The following OR4N2 variants were observed in gnomAD, a reference collection of about 807,000 sequenced individuals.
The protein encoded by OR4N2 is olfactory receptor family 4 subfamily N member 2.
For missense variants in OR4N2, 307 were observed against 377.6 expected (o/e 0.81, Z 1.55); for synonymous variants, 141 against 140.4 (o/e 1.00, Z -0.03).
chr14:19,825,125 A>G (rs954630232), intron 1 of OR4N2, among the ~76,000 whole-genome samples: 6 of 152,234 alleles, frequency 3.9e-5, no homozygotes, highest in Non-Finnish European at 8.8e-5. Flanking sequence ...TTCCTATTAC[A>G]ATTTTGTGTG....
chr14:19,828,325 G>C lies in OR4N2; in HGVS notation c.877G>C (p.Glu293Gln), dbSNP rs771978724. 6.2e-6 allele frequency: 10 copies of C among 1,613,278 alleles called. 1 individual carries two copies. In the South Asian group the frequency reaches 9.9e-5, roughly 16 times the overall value. The change falls in exon 2 of 2, where the codon GAA (glutamate) becomes CAA (glutamine). Residue 293 changes from glutamate to glutamine, a missense_variant. Physicochemically the swap from Glu to Gln is conservative, Grantham distance 29. Transcript: ENST00000557677. ...TGTCATTTATACCCTTCGCAACCAGGAAGTGAAAGCTTCCATGAAAAAGGT... is the reference window on the plus strand; with the variant it reads ...TGTCATTTATACCCTTCGCAACCAGCAAGTGAAAGCTTCCATGAAAAAGGT... ...NPVIYTLRNQ[E>Q]VKASMKKVFN...
At chr14:19,826,177 A>C (rs773707969) in intron 1 of OR4N2, among the ~76,000 whole-genome samples, 4 of 152,252 alleles carry the variant, frequency 2.6e-5, no homozygotes, top group Non-Finnish European at 5.9e-5. Flanking sequence ...ACTTCAGTGG[A>C]TTATCATGTG....
intron 1 of OR4N2, among the ~76,000 whole-genome samples, chr14:19,822,977 A>G (rs1306125163): frequency 2.0e-5 from 3 of 151,684 alleles, no homozygotes; most frequent in African/African-American, 4.9e-5. Context: ...TACATTGCCT[A>G]AAAAACTGGC....
At chr14:19,822,837 A>C (rs1879600024) in intron 1 of OR4N2, among the ~76,000 whole-genome samples, 1 of 152,250 alleles carries the variant, frequency 6.6e-6, no homozygotes, top group Non-Finnish European at 1.5e-5. Context: ...ACATTAAACT[A>C]TTTGGTAGAT....
At chr14:19,807,717 C>T (rs562480205) in intron 1 of OR4N2, among the ~76,000 whole-genome samples, 148 of 152,262 alleles carry the variant, frequency 9.7e-4, no homozygotes, top group Admixed American at 2.3e-3. Context: ...AGGAGGAGCT[C>T]CTCCCTAACT....
intron 1 of OR4N2, among the ~76,000 whole-genome samples, chr14:19,812,005 T>C (rs1412335916): frequency 6.6e-6 from 1 of 152,222 alleles, no homozygotes; most frequent in Admixed American, 6.5e-5. Flanking sequence ...TATTTATTCA[T>C]AGAAGAAATA....
chr14:19,812,502 TTG>T (rs1437666338), intron 1 of OR4N2, among the ~76,000 whole-genome samples: 1 of 146,190 alleles, frequency 6.8e-6, no homozygotes, highest in East Asian at 1.9e-4. Context: ...GATAATTTTT[TTG>T]TTTGTTTGTT....
At position 19,828,306 on chromosome 14, in the gene OR4N2, T is replaced by C. The variant is rs780755214; in HGVS notation, c.858T>C (p.Ile286=). The C allele has an allele frequency of 2.5e-6, 4 of 1,614,224 alleles. No individual in the cohort carries two copies. The highest frequency in any genetic ancestry group is 1.7e-5 in the Admixed American group (1 of 60,032). The change falls in exon 2 of 2, where the codon ATT becomes ATC. Residue 286 remains isoleucine (I), a synonymous_variant. Coordinates refer to ENST00000557677, the MANE Select transcript of OR4N2 (RefSeq NM_001004723.3). ...TTTTTCCTTTGTTGAATCCTGTCAT[T>C]TATACCCTTCGCAACCAGGAAGTGA... The part of the protein sequence containing the change: ...TVIFPLLNPV[I]YTLRNQEVKA...
intron 1 of OR4N2, among the ~76,000 whole-genome samples, chr14:19,823,884 G>T (rs11846412): frequency 2.6e-4 from 39 of 152,162 alleles, no homozygotes; most frequent in Non-Finnish European, 1.2e-4. Flanking sequence ...TAAGCACATA[G>T]GATCTCTAAA....
intron 1 of OR4N2, among the ~76,000 whole-genome samples, chr14:19,822,803 C>T (rs1879599211): frequency 6.6e-6 from 1 of 152,182 alleles, no homozygotes; most frequent in South Asian, 2.1e-4. Flanking sequence ...CTCATGTTAC[C>T]CCCATCAGAC....
chr14:19,815,996 A>T (rs1879417751), intron 1 of OR4N2, among the ~76,000 whole-genome samples: 1 of 152,242 alleles, frequency 6.6e-6, no homozygotes, highest in Non-Finnish European at 1.5e-5. Flanking sequence ...CTTGTTAAAG[A>T]TCAGATGGTT....
intron 1 of OR4N2, among the ~76,000 whole-genome samples, chr14:19,809,974 A>C (rs1594393698): frequency 6.6e-6 from 1 of 151,936 alleles, no homozygotes; most frequent in Admixed American, 6.6e-5. Flanking sequence ...AGAAACATTG[A>C]CCACAAAAAA....
At chr14:19,812,324 C>CTTTTTTT (rs1879319064) in intron 1 of OR4N2, among the ~76,000 whole-genome samples, 1 of 98,164 alleles carries the variant, frequency 1.0e-5, no homozygotes, top group African/African-American at 3.5e-5. Context: ...CTTTTCTTTT[C>CTTTTTTT]TTTTCTTTTT....
intron 1 of OR4N2, among the ~76,000 whole-genome samples, chr14:19,825,618 C>T (rs1232855817): frequency 5.9e-5 from 9 of 152,070 alleles, no homozygotes; most frequent in Admixed American, 2.6e-4. Context: ...TGCAGTGGCG[C>T]GATCTCGGCT....
At chr14:19,826,275 T>C (rs1879697033) in intron 1 of OR4N2, among the ~76,000 whole-genome samples, 1 of 152,290 alleles carries the variant, frequency 6.6e-6, no homozygotes, top group Non-Finnish European at 1.5e-5. Context: ...TTCTTTTTAT[T>C]TAAACAAGGT....
Position 19,828,547 on chromosome 14 carries a change from C to A in OR4N2, c.*175C>A, listed in dbSNP as rs577956850. On this transcript the variant is annotated 3_prime_UTR_variant, in exon 2 of 2. Coordinates refer to ENST00000557677, the MANE Select transcript of OR4N2 (RefSeq NM_001004723.3). The stretch of plus-strand genomic sequence containing the variant: ...AGGTCCATCTGCTCTCCAAGAGATA[C>A]AACCTAGTAAAAATAGACCACCATT... The A allele has an allele frequency of 6.0e-6, 4 of 670,386 alleles. No homozygotes were observed. The East Asian group carries it at 8.6e-5, about 14-fold the overall frequency. 41.5% of individuals were successfully genotyped at this position (670,386 alleles called of 1,614,324 possible).
chr14:19,822,802 C>T (rs955497611), intron 1 of OR4N2, among the ~76,000 whole-genome samples: 5 of 152,234 alleles, frequency 3.3e-5, no homozygotes, highest in African/African-American at 1.2e-4. Context: ...CCTCATGTTA[C>T]CCCCATCAGA....
At chr14:19,810,656 C>A (rs541625424) in intron 1 of OR4N2, among the ~76,000 whole-genome samples, 31 of 152,306 alleles carry the variant, frequency 2.0e-4, no homozygotes, top group Non-Finnish European at 3.5e-4. Context: ...ACAATGAGAT[C>A]ATGTCCTTTG....
chr14:19,822,952 A>G (rs1480536267), intron 1 of OR4N2, among the ~76,000 whole-genome samples: 1 of 152,222 alleles, frequency 6.6e-6, no homozygotes, highest in Non-Finnish European at 1.5e-5. Flanking sequence ...CAAACCAGGG[A>G]TCCTTTTATG....
Sources: allele counts gnomAD v4.1 joint callset (sites outside exome capture counted in the v4.1 genomes callset), GRCh38; gene constraint gnomAD v4.1.1; transcripts MANE v1.5; gene names NCBI Gene and HGNC (gene_info 2026-07-23, HGNC 2026-07-21).